NFATC1: variants seen among roughly 807,000 people sequenced by gnomAD.
NFATC1 encodes the protein nuclear factor of activated T-cells, cytoplasmic 1.
Under a neutral mutation model 76.0 loss-of-function variants are expected in NFATC1, and 22 were observed. The observed-to-expected ratio is 0.29, with a 90% CI of 0.21 to 0.41. The LOEUF (loss-of-function observed/expected upper bound fraction) is 0.41. Among genes scored for constraint, NFATC1 ranks in the 10% least tolerant of loss-of-function variants. The pLI is 1.00. For missense variants in NFATC1, 1,357 were observed against 1,337.7 expected, an observed-to-expected ratio of 1.01 and a Z score of -0.23; for synonymous variants, 704 against 613.1, an observed-to-expected ratio of 1.15 and a Z score of -2.19.
At position 79,449,541 on chromosome 18, in the gene NFATC1, A is replaced by C. The variant is rs2087367373; in HGVS notation, c.1589+557A>C. On this transcript the variant is annotated intron_variant, in intron 4 of 9. Transcript: ENST00000427363. ...CCCTAACCTGTGAAGGCAGCCGAGG[A>C]GGAGGACTGCTGGTTCCCGAGAGAT... Among the ~76,000 whole-genome samples the C allele has an allele frequency of 1.3e-5, 2 of 152,232 alleles. 1 individual carries two copies. The highest frequency in any genetic ancestry group is 4.1e-4 in the South Asian group (2 of 4,828).
intron 3 of NFATC1, chr18:79,448,497 T>G (rs2087313766): frequency 2.1e-6 from 1 of 469,814 alleles, no homozygotes; most frequent in African/African-American, 1.9e-5. Flanking sequence ...ACACGCCCCC[T>G]GCCAGCTTCA....
chr18:79,527,657 C>CA lies in NFATC1; in HGVS notation c.*81dup, dbSNP rs1377157342. The CA allele has an allele frequency of 7.8e-7, 1 of 1,283,238 alleles. No individual in the cohort carries two copies. The highest frequency in any genetic ancestry group is 1.1e-6 in the Non-Finnish European group (1 of 882,384). 79.5% of individuals were successfully genotyped at this position (1,283,238 alleles called of 1,614,324 possible). A position where few individuals can be genotyped will look rare whatever the true frequency, so the allele number is the denominator to read the frequency against. On this transcript the variant is annotated 3_prime_UTR_variant, in exon 10 of 10. Coordinates refer to ENST00000427363, the MANE Select transcript of NFATC1 (RefSeq NM_001278669.2). ...GACTTTTGAATAAATAAACTGAACT[C>CA]ACACCTGGTACCACTCAGAACCTCC...
Position 79,411,289 on chromosome 18 carries a change from C to G in NFATC1, c.1014C>G (p.Thr338=), listed in dbSNP as rs556960763. 8.7e-6 allele frequency: 14 copies of G among 1,603,350 alleles called. No homozygotes were observed. In the South Asian group the frequency reaches 1.4e-4, roughly 16 times the overall value. Residue 338 remains threonine, a synonymous_variant, in exon 2 of 10, where the codon ACC becomes ACG. Transcript: ENST00000427363. The stretch of plus-strand genomic sequence containing the variant: ...GCGTCCCTGTCAAGTCCCGCAAGAC[C>G]ACCCTGGAGCAGCCGCCCTCAGTGG... ...GDGVPVKSRK[T]TLEQPPSVAL... is the part of the protein sequence containing the mutation.
chr18:79,449,580 T>TG (rs1464788238), intron 4 of NFATC1, among the ~76,000 whole-genome samples: 7 of 152,132 alleles, frequency 4.6e-5, no homozygotes, highest in Admixed American at 2.0e-4. Flanking sequence ...TGTGGTACTG[T>TG]GGGGGGAACC....
In NFATC1 at chr18:79,398,005, G is replaced by A. The variant is rs185457363; in HGVS notation, c.127+1654G>A. On this transcript the variant is annotated intron_variant, in intron 1 of 9. Transcript: ENST00000427363. ...ACAGGCCGGCAGCATGGGGACACGC[G>A]TGGTTTCCACACCAGCCATCGCTGA... Among the ~76,000 whole-genome samples, 258 of 152,286 alleles carry A rather than the reference G, an allele frequency of 1.7e-3. 1 individual carries two copies. The highest frequency in any genetic ancestry group is 6.0e-3 in the African/African-American group (250 of 41,564).
At position 79,448,925 on chromosome 18, in the gene NFATC1, CCT is replaced by C; in HGVS notation, c.1534_1535del (p.Ser512GlnfsTer20). 6.2e-7 allele frequency: 1 copy of C among 1,613,808 alleles called. No homozygotes were observed. Among genetic ancestry groups the C allele is most frequent in the Non-Finnish European group, 8.5e-7 (1 of 1,180,038 alleles). On this transcript the variant is annotated frameshift_variant, in exon 4 of 10. Coordinates refer to ENST00000427363, the MANE Select transcript of NFATC1 (RefSeq NM_001278669.2). LOFTEE classifies it high-confidence loss of function. ...TGTCCACCACCAGCCACGAGGCCAT[CCT>C]CTCCAACACCAAAGTCCTGGAGATC... ...TVSTTSHEAI[L>X]SNTKVLEIPL...
intron 9 of NFATC1, chr18:79,527,196 C>CTG (rs375713043): frequency 1.0e-3 from 270 of 264,552 alleles, no homozygotes; most frequent in African/African-American, 5.5e-3. Flanking sequence ...TGGTGTGGAC[C>CTG]TGTGGGTCGC....
At chr18:79,404,658 C>T (rs1042018767) in intron 1 of NFATC1, among the ~76,000 whole-genome samples, 21 of 152,176 alleles carry the variant, frequency 1.4e-4, no homozygotes, top group African/African-American at 4.6e-4. Flanking sequence ...CTGTGATGGC[C>T]GCCTCTCAGA....
intron 3 of NFATC1, among the ~76,000 whole-genome samples, chr18:79,435,355 T>TG (rs796942776): frequency 1.6e-4 from 23 of 142,754 alleles, no homozygotes; most frequent in African/African-American, 3.0e-4. Flanking sequence ...TTTGTTTGTT[T>TG]TTTTTTTTTT....
intron 9 of NFATC1, among the ~76,000 whole-genome samples, chr18:79,511,464 C>T (rs1429019012): frequency 6.6e-6 from 1 of 152,216 alleles, no homozygotes; most frequent in Non-Finnish European, 1.5e-5. Flanking sequence ...GCAGTGACTC[C>T]ACGGTGGCTT....
chr18:79,527,616 G>A lies in NFATC1; in HGVS notation c.*39G>A, dbSNP rs914117913. The A allele has an allele frequency of 6.3e-6, 10 of 1,575,772 alleles. No individual in the cohort carries two copies. The highest frequency in any genetic ancestry group is 8.7e-6 in the Non-Finnish European group (10 of 1,146,408). ...GCACTCAGTTCAGCAGGGGTATGCTGACTTCAGCAGACAAAGACTTTTGAA... is the reference window on the plus strand; with the variant it reads ...GCACTCAGTTCAGCAGGGGTATGCTAACTTCAGCAGACAAAGACTTTTGAA... On this transcript the variant is annotated 3_prime_UTR_variant, in exon 10 of 10. Coordinates refer to ENST00000427363, the MANE Select transcript of NFATC1 (RefSeq NM_001278669.2).
intron 8 of NFATC1, among the ~76,000 whole-genome samples, chr18:79,473,133 A>G (rs2088854396): frequency 6.6e-6 from 1 of 152,208 alleles, no homozygotes; most frequent in South Asian, 2.1e-4. Flanking sequence ...TTTCCAGCCC[A>G]CAGCGTGGCC....
rs2084992113 is a variant in NFATC1 at position 79,396,032 on chromosome 18, C to A, written c.-193C>A. ...CCGGGGCGCGGGCAGGGCTCGGAGC[C>A]ACCGCGCAGGTCCTAGGGCCGCGGC... is the stretch of plus-strand genomic sequence containing the variant. On this transcript the variant is annotated 5_prime_UTR_variant, in exon 1 of 10. Coordinates refer to ENST00000427363, the MANE Select transcript of NFATC1 (RefSeq NM_001278669.2). 1.9e-6 allele frequency: 1 copy of A among 519,054 alleles called. No homozygotes were observed. Among genetic ancestry groups the A allele is most frequent in the Non-Finnish European group, 2.7e-6 (1 of 376,482 alleles). The allele number at this position is 519,054 out of a possible 1,614,324, so 32.2% of individuals were successfully genotyped here.
intron 1 of NFATC1, among the ~76,000 whole-genome samples, chr18:79,409,833 A>C (rs1435753610): frequency 6.6e-6 from 1 of 152,250 alleles, no homozygotes; most frequent in African/African-American, 2.4e-5. Context: ...CATGGAACTT[A>C]GGTTTCTGTT....
chr18:79,442,234 G>A (rs776852517), intron 3 of NFATC1, among the ~76,000 whole-genome samples: 3 of 152,216 alleles, frequency 2.0e-5, no homozygotes, highest in Admixed American at 6.5e-5. Flanking sequence ...GGAGACCCGC[G>A]TGCACGTGTG....
chr18:79,403,786 C>T (rs2085344613), intron 1 of NFATC1, among the ~76,000 whole-genome samples: 1 of 152,252 alleles, frequency 6.6e-6, no homozygotes, highest in Admixed American at 6.5e-5. Context: ...TTCTCAAGTC[C>T]ATTTTCACCA....
At position 79,472,650 on chromosome 18, in the gene NFATC1, A is replaced by G. The variant is rs527269273; in HGVS notation, c.2092+5068A>G. ...GGCCTCTTCCCCTCCCCCTCCCCTC[A>G]CCCCACACACTTGGAGACACCCTGG... On this transcript the variant is annotated intron_variant, in intron 8 of 9. Coordinates refer to ENST00000427363, the MANE Select transcript of NFATC1 (RefSeq NM_001278669.2). Among the ~76,000 whole-genome samples the G allele has an allele frequency of 4.1e-5, 6 of 144,900 alleles. No individual in the cohort carries two copies. The East Asian group carries it at 8.1e-4, about 20-fold the overall frequency.
At chr18:79,400,772 C>T (rs1467656118) in intron 1 of NFATC1, among the ~76,000 whole-genome samples, 14 of 132,630 alleles carry the variant, frequency 1.1e-4, no homozygotes, top group Non-Finnish European at 2.3e-4. Context: ...GAAGCCCCAG[C>T]TCCCCCAGAC....
At chr18:79,478,514 G>T (rs2089162833) in intron 8 of NFATC1, among the ~76,000 whole-genome samples, 2 of 152,224 alleles carry the variant, frequency 1.3e-5, no homozygotes, top group South Asian at 4.1e-4. Context: ...AGGGGCTGCG[G>T]TGGGTGAAGC....
Sources: gnomAD v4.1 joint callset for allele counts (sites outside exome capture counted in the v4.1 genomes callset) on GRCh38, gnomAD v4.1.1 for gene constraint, MANE v1.5 for transcripts, NCBI Gene and HGNC (gene_info 2026-07-23, HGNC 2026-07-21) for gene names.